The following PURG variants were observed in gnomAD, a reference collection of about 807,000 sequenced individuals.
PURG encodes purine-rich element-binding protein gamma.
In PURG, 3 loss-of-function variants were observed where a neutral mutation model predicts 24.3. The observed-to-expected ratio is 0.12, with a 90% CI of 0.06 to 0.32. The LOEUF (loss-of-function observed/expected upper bound fraction) is 0.32. Ranked by LOEUF, PURG falls within the 10% of genes least tolerant of loss-of-function variation. The pLI, the probability that PURG is intolerant of heterozygous loss-of-function variation, is 1.00. For missense variants in PURG, 371 were observed against 439.1 expected (o/e 0.84, Z 1.39); for synonymous variants, 180 against 173.1 (o/e 1.04, Z -0.31).
At chr8:31,007,459 AAG>A (rs928604101) in intron 1 of PURG, among the ~76,000 whole-genome samples, 3 of 152,214 alleles carry the variant, frequency 2.0e-5, no homozygotes, top group African/African-American at 7.2e-5. Flanking sequence ...CTTGAAAATA[AAG>A]AGGTGAGAAA....
chr8:31,030,767 T>A (rs1320089169), downstream of PURG: 2 of 152,072 alleles, frequency 1.3e-5, no homozygotes, highest in East Asian at 3.8e-4. Flanking sequence ...AAATATATTA[T>A]TACAGGTATA....
intron 1 of PURG, among the ~76,000 whole-genome samples, chr8:31,002,530 C>A (rs1409364783): frequency 1.3e-5 from 2 of 152,146 alleles, no homozygotes; most frequent in African/African-American, 4.8e-5. Flanking sequence ...GAAGCCCAGG[C>A]TGGGGTGCAA....
chr8:31,010,858 C>G (rs916893612), intron 1 of PURG, among the ~76,000 whole-genome samples: 1 of 152,052 alleles, frequency 6.6e-6, no homozygotes, highest in African/African-American at 2.4e-5. Flanking sequence ...ATTACACATT[C>G]TTTTTATATT....
intron 1 of PURG, among the ~76,000 whole-genome samples, chr8:31,017,319 A>C (rs1192921328): frequency 6.6e-6 from 1 of 152,038 alleles, no homozygotes; most frequent in Non-Finnish European, 1.5e-5. Context: ...CTCTTTTAAA[A>C]ATTTTTACAT....
chr8:31,021,680 C>T (rs140708626), intron 1 of PURG, among the ~76,000 whole-genome samples: 7 of 152,232 alleles, frequency 4.6e-5, no homozygotes, highest in South Asian at 2.1e-4. Context: ...CCTAACTGAA[C>T]GGGCACAATC....
chr8:31,024,916 C>T (rs1448999289), intron 1 of PURG, among the ~76,000 whole-genome samples: 1 of 151,474 alleles, frequency 6.6e-6, no homozygotes, highest in Non-Finnish European at 1.5e-5. Flanking sequence ...AAATGAAAAC[C>T]GAATAGAAAA....
chr8:31,016,577 GAACCA>G (rs1326300523), intron 1 of PURG, among the ~76,000 whole-genome samples: 6 of 37,334 alleles, frequency 1.6e-4, no homozygotes, highest in South Asian at 1.4e-3. Context: ...AGTCTACCAA[GAACCA>G]AAAAAAAAAA....
intron 1 of PURG, among the ~76,000 whole-genome samples, chr8:31,003,944 C>G (rs1046800410): frequency 6.6e-6 from 1 of 152,184 alleles, no homozygotes; most frequent in Non-Finnish European, 1.5e-5. Context: ...GCCAGCTCAA[C>G]CTTCTCCTTT....
At chr8:31,021,835 G>A (rs2129827368) in intron 1 of PURG, among the ~76,000 whole-genome samples, 1 of 152,290 alleles carries the variant, frequency 6.6e-6, no homozygotes, top group South Asian at 2.1e-4. Context: ...GCCCAGCTAT[G>A]TCTAGTATAC....
intron 1 of PURG, among the ~76,000 whole-genome samples, chr8:30,999,442 G>A (rs1436648860): frequency 1.3e-5 from 2 of 151,824 alleles, no homozygotes; most frequent in Non-Finnish European, 3.0e-5. Flanking sequence ...GATAGAGGAG[G>A]AAAGCTAAAA....
chr8:31,030,842 A>G (rs1585370582), downstream of PURG: 1 of 152,088 alleles, frequency 6.6e-6, no homozygotes, highest in African/African-American at 2.4e-5. Flanking sequence ...AGCATAAAGT[A>G]TAACACCTTG....
intron 1 of PURG, among the ~76,000 whole-genome samples, chr8:31,016,577 GAACC>G (rs1376002728): frequency 8.0e-5 from 3 of 37,330 alleles, no homozygotes; most frequent in Non-Finnish European, 1.6e-4. Context: ...AGTCTACCAA[GAACC>G]AAAAAAAAAA....
intron 1 of PURG, among the ~76,000 whole-genome samples, chr8:31,010,340 C>T (rs1408893606): frequency 1.3e-5 from 2 of 152,146 alleles, no homozygotes; most frequent in African/African-American, 4.8e-5. Flanking sequence ...GTCTTAAGCA[C>T]AGAGGACAAA....
chr8:31,005,540 A>C (rs916659211), intron 1 of PURG, among the ~76,000 whole-genome samples: 2 of 152,082 alleles, frequency 1.3e-5, no homozygotes, highest in Non-Finnish European at 1.5e-5. Flanking sequence ...ACATCTGATC[A>C]GTGGTTGCTT....
intron 1 of PURG, among the ~76,000 whole-genome samples, chr8:31,012,214 A>C (rs529029066): frequency 3.7e-4 from 56 of 152,218 alleles, no homozygotes; most frequent in Non-Finnish European, 6.3e-4. Context: ...TTCAAATGGG[A>C]AACTTAAGTT....
chr8:31,014,323 A>C (rs1810815325), intron 1 of PURG, among the ~76,000 whole-genome samples: 1 of 152,218 alleles, frequency 6.6e-6, no homozygotes, highest in South Asian at 2.1e-4. Flanking sequence ...GAGGATCATA[A>C]GCAGCATACT....
Position 31,024,208 on chromosome 8 carries a change from G to GGGTA in PURG, c.864+7707_864+7710dup, listed in dbSNP as rs796592747. Among the ~76,000 whole-genome samples the GGGTA allele has an allele frequency of 2.9e-4, 44 of 152,206 alleles. 1 individual carries two copies. Among genetic ancestry groups the GGGTA allele is most frequent in the African/African-American group, 9.6e-4 (40 of 41,546 alleles). Reference sequence around the variant, plus strand: ...TGACATTTTTTTGCATTGTTCCGTTGGGTATCATCACAGGTTGCTGCATCA... The same window carrying GGGTA: ...TGACATTTTTTTGCATTGTTCCGTTGGGTAGGTATCATCACAGGTTGCTGCATCA... On this transcript the variant is annotated intron_variant, in intron 1 of 1. Coordinates refer to the PURG transcript ENST00000339382.
intron 1 of PURG, among the ~76,000 whole-genome samples, chr8:31,002,870 T>G (rs1810566158): frequency 6.6e-6 from 1 of 152,244 alleles, no homozygotes; most frequent in Admixed American, 6.5e-5. Flanking sequence ...TTTTTTCATC[T>G]GGAACAAACA....
intron 1 of PURG, among the ~76,000 whole-genome samples, chr8:31,021,769 T>C (rs900336724): frequency 1.3e-5 from 2 of 152,124 alleles, no homozygotes; most frequent in African/African-American, 4.8e-5. Flanking sequence ...TGGAAAATCA[T>C]ATGAAAATGG....
Sources: gnomAD v4.1 joint callset for allele counts (sites outside exome capture counted in the v4.1 genomes callset) on GRCh38, gnomAD v4.1.1 for gene constraint, MANE v1.5 for transcripts, NCBI Gene and HGNC (gene_info 2026-07-23, HGNC 2026-07-21) for gene names.